ASB5: variants seen among roughly 807,000 people sequenced by gnomAD.
ASB5 encodes ankyrin repeat and SOCS box containing 5, also known as ankyrin repeat and SOCS box protein 5.
In ASB5, 45 loss-of-function variants were observed where a neutral mutation model predicts 42.1. The ratio of observed to expected loss-of-function variants is 1.07; its 90% CI spans 0.84 to 1.37. The LOEUF (loss-of-function observed/expected upper bound fraction) is 1.37, where lower values mean the gene tolerates loss of function less well. Among genes scored for constraint, ASB5 ranks in the 40% most tolerant of loss-of-function variants. The probability of loss-of-function intolerance (pLI) is 0.00; values close to 1 mark genes in which losing one functional copy is unlikely to be tolerated. For missense variants in ASB5, 402 were observed against 399.8 expected, an observed-to-expected ratio of 1.01 and a Z score of -0.05; for synonymous variants, 147 against 150.6, an observed-to-expected ratio of 0.98 and a Z score of 0.18.
At chr4:176,259,833 C>T (rs1251317623) in intron 1 of ASB5, among the ~76,000 whole-genome samples, 1 of 152,120 alleles carries the variant, frequency 6.6e-6, no homozygotes, top group Non-Finnish European at 1.5e-5. Flanking sequence ...AGACTATAAG[C>T]CTTCTGGAAA....
Position 176,221,208 on chromosome 4 carries a change from TAG to T in ASB5, c.615_616del (p.Tyr206CysfsTer20), listed in dbSNP as rs1272649846. On this transcript the variant is annotated frameshift_variant, in exon 5 of 7. Coordinates refer to ENST00000296525, the MANE Select transcript of ASB5 (RefSeq NM_080874.4). LOFTEE classifies it high-confidence loss of function. ...GAATTGCTGTGACATACAAGCTACATAGAGAGGAGTTCCCAAATGAGGAATTT... is the reference window on the plus strand; with the variant it reads ...GAATTGCTGTGACATACAAGCTACATAGAGGAGTTCCCAAATGAGGAATTT... The T allele has an allele frequency of 1.2e-6, 2 of 1,613,986 alleles. No homozygotes were observed. The highest frequency in any genetic ancestry group is 1.7e-6 in the Non-Finnish European group (2 of 1,180,014).
chr4:176,233,429 T>C (rs1258605331), intron 1 of ASB5, among the ~76,000 whole-genome samples: 1 of 151,020 alleles, frequency 6.6e-6, no homozygotes, highest in Non-Finnish European at 1.5e-5. Context: ...GATATTTTCC[T>C]GGCATCTCAA....
At chr4:176,251,564 TAAAAAAAAAAAAAAAAAA>T in intron 1 of ASB5, among the ~76,000 whole-genome samples, 1 of 10,376 alleles carries the variant, frequency 9.6e-5, no homozygotes, top group East Asian at 2.7e-3. Context: ...TCTGTCTCAT[TAAAAAAAAAAAAAAAAAA>T]AAAAAAAAAA....
chr4:176,236,161 T>A (rs1006936117), intron 1 of ASB5, among the ~76,000 whole-genome samples: 1 of 141,184 alleles, frequency 7.1e-6, no homozygotes, highest in African/African-American at 2.5e-5. Context: ...TGAATTAGTT[T>A]ACTTAATTTT....
chr4:176,254,524 T>C (rs1272413936), intron 1 of ASB5, among the ~76,000 whole-genome samples: 4 of 128,800 alleles, frequency 3.1e-5, no homozygotes, highest in Non-Finnish European at 6.8e-5. Context: ...GACTAAGCCC[T>C]CAAAAGCAAT....
At chr4:176,239,068 A>C (rs954473919) in intron 1 of ASB5, among the ~76,000 whole-genome samples, 1 of 152,186 alleles carries the variant, frequency 6.6e-6, no homozygotes, top group African/African-American at 2.4e-5. Context: ...AGATATTCCC[A>C]ATGAAACTGA....
intron 1 of ASB5, among the ~76,000 whole-genome samples, chr4:176,261,556 A>G (rs910281874): frequency 1.3e-5 from 2 of 152,116 alleles, no homozygotes; most frequent in African/African-American, 4.8e-5. Flanking sequence ...TCCACATTCT[A>G]AACTTTTCCT....
intron 1 of ASB5, among the ~76,000 whole-genome samples, chr4:176,255,315 C>T (rs796908719): frequency 1.3e-5 from 2 of 152,212 alleles, no homozygotes; most frequent in Admixed American, 6.5e-5. Flanking sequence ...GGAGATTTCT[C>T]AAGGAACTAA....
At chr4:176,227,266 T>C (rs529026423) in intron 1 of ASB5, among the ~76,000 whole-genome samples, 1 of 152,334 alleles carries the variant, frequency 6.6e-6, no homozygotes, top group African/African-American at 2.4e-5. Flanking sequence ...TAGACTAGTG[T>C]ACACACATAG....
At chr4:176,241,130 T>A (rs1172442837) in intron 1 of ASB5, among the ~76,000 whole-genome samples, 1 of 152,198 alleles carries the variant, frequency 6.6e-6, no homozygotes, top group African/African-American at 2.4e-5. Context: ...TGAGTATTCT[T>A]TATAATTATA....
chr4:176,234,038 G>T (rs2126957439), intron 1 of ASB5, among the ~76,000 whole-genome samples: 1 of 152,184 alleles, frequency 6.6e-6, no homozygotes, highest in Middle Eastern at 3.4e-3. Context: ...TCCAAACTTT[G>T]TATCTCAGCC....
intron 1 of ASB5, chr4:176,249,428 G>C (rs973985539): frequency 2.6e-4 from 40 of 152,098 alleles, no homozygotes; most frequent in African/African-American, 9.7e-4. Flanking sequence ...CAGAAAATGC[G>C]ACACTCCCAA....
At chr4:176,269,704 C>T (rs988003), upstream of ASB5, among the ~76,000 whole-genome samples, 22 of 152,276 alleles carry the variant, frequency 1.4e-4, no homozygotes, top group East Asian at 5.8e-4. Context: ...TAACTTAACA[C>T]GGTTCCTTCA....
chr4:176,225,375 C>G, intron 1 of ASB5, 34 bp from the exon 2 acceptor site: 8 of 1,574,850 alleles, frequency 5.1e-6, no homozygotes, highest in Non-Finnish European at 6.1e-6. Context: ...GAAAAGAAAA[C>G]AAAAATCCAA....
chr4:176,226,158 G>A (rs943307560), intron 1 of ASB5, among the ~76,000 whole-genome samples: 13 of 152,312 alleles, frequency 8.5e-5, no homozygotes, highest in African/African-American at 3.1e-4. Context: ...AGATTGTCTT[G>A]TGAGTAGGTG....
intron 1 of ASB5, among the ~76,000 whole-genome samples, chr4:176,232,579 CT>C (rs1753577838): frequency 6.6e-6 from 1 of 152,118 alleles, no homozygotes; most frequent in African/African-American, 2.4e-5. Flanking sequence ...ACAGTATAAG[CT>C]TCAGACTTGA....
intron 1 of ASB5, among the ~76,000 whole-genome samples, chr4:176,230,707 T>C (rs1397860789): frequency 6.6e-6 from 1 of 152,184 alleles, no homozygotes; most frequent in Non-Finnish European, 1.5e-5. Context: ...TTCAAACATA[T>C]TTAATATTAA....
intron 1 of ASB5, among the ~76,000 whole-genome samples, chr4:176,247,607 G>T: frequency 6.6e-6 from 1 of 152,120 alleles, no homozygotes; most frequent in East Asian, 1.9e-4. Flanking sequence ...TACATGGTGT[G>T]AATATAATTG....
chr4:176,247,921 G>A (rs1579327727), intron 1 of ASB5, among the ~76,000 whole-genome samples: 1 of 152,022 alleles, frequency 6.6e-6, no homozygotes, highest in African/African-American at 2.4e-5. Flanking sequence ...AACAATTTTA[G>A]GATACAAAAT....
Sources: gnomAD v4.1 joint callset for allele counts (sites outside exome capture counted in the v4.1 genomes callset) on GRCh38, gnomAD v4.1.1 for gene constraint, MANE v1.5 for transcripts, NCBI Gene and HGNC (gene_info 2026-07-23, HGNC 2026-07-21) for gene names.